The following PLPP1 variants were observed in gnomAD, a reference collection of about 807,000 sequenced individuals.
PLPP1 encodes phospholipid phosphatase 1.
PLPP1 carries 24 observed loss-of-function variants against 31.2 expected under a neutral mutation model. The ratio of observed to expected loss-of-function variants is 0.77; its 90% confidence interval spans 0.56 to 1.08. The LOEUF is 1.08. Ranked by LOEUF, PLPP1 falls within the 50% of genes least tolerant of loss-of-function variation. PLPP1 has a pLI of 0.00. For synonymous variants in PLPP1, 146 were observed against 126.3 expected, an observed-to-expected ratio of 1.16 and a Z score of -1.05; for missense variants, 319 against 342.7, an observed-to-expected ratio of 0.93 and a Z score of 0.55.
rs147976008 is a variant in PLPP1 at position 55,503,283 on chromosome 5, T to A, written c.59-27833A>T. ...ATATTTATGCTTATAACATATCATG[T>A]TCAGTAGTTTTAAGTTGCACTACAT... On this transcript the variant is annotated intron_variant, in intron 1 of 5. Coordinates refer to ENST00000307259, the MANE Select transcript of PLPP1 (RefSeq NM_003711.4). 1.3e-3 allele frequency among the ~76,000 whole-genome samples: 196 copies of A among 152,316 alleles called. 2 individuals are homozygous for A. The Middle Eastern group carries it at 0.024, about 19-fold the overall frequency.
chr5:55,513,660 C>T (rs1753491566), intron 1 of PLPP1, among the ~76,000 whole-genome samples: 1 of 152,136 alleles, frequency 6.6e-6, no homozygotes, highest in African/African-American at 2.4e-5. Flanking sequence ...CATACATAGG[C>T]TAGGAGTGGT....
In PLPP1 at chr5:55,534,787, G is replaced by T; in HGVS notation, c.-158C>A. On this transcript the variant is annotated 5_prime_UTR_variant, in exon 1 of 6. Coordinates refer to ENST00000307259, the MANE Select transcript of PLPP1 (RefSeq NM_003711.4). ...AGCAGCCGAGGGCGGGCTGAGACCG[G>T]GCGGCGCTCCCACCGCCAGCAATGG... 1.4e-6 allele frequency: 1 copy of T among 726,276 alleles called. No homozygotes were observed. 45.0% of individuals were successfully genotyped at this position (726,276 alleles called of 1,614,324 possible). A position where few individuals can be genotyped will look rare whatever the true frequency, so the allele number is the denominator to read the frequency against.
chr5:55,428,782 C>A (rs1174910806), intron 4 of PLPP1, among the ~76,000 whole-genome samples: 3 of 152,192 alleles, frequency 2.0e-5, no homozygotes, highest in African/African-American at 7.2e-5. Flanking sequence ...TCTCTCCTCC[C>A]CATACATGCC....
Position 55,501,308 on chromosome 5 carries a change from C to T in PLPP1, c.59-25858G>A, listed in dbSNP as rs28373774. 7.1e-3 allele frequency among the ~76,000 whole-genome samples: 1,071 copies of T among 151,560 alleles called. 15 individuals carry two copies. Among genetic ancestry groups the T allele is most frequent in the African/African-American group, 0.023 (952 of 41,346 alleles). On this transcript the variant is annotated intron_variant, in intron 1 of 5. Coordinates refer to ENST00000307259, the MANE Select transcript of PLPP1 (RefSeq NM_003711.4). The stretch of plus-strand genomic sequence containing the variant: ...AGCCTGGACAACAAAAGCAAGACTC[C>T]GTCTCAAAAAAAACAAACAAACAAA...
chr5:55,534,542 C>CG, intron 1 of PLPP1, 30 bp downstream of exon 1: 4 of 1,524,080 alleles, frequency 2.6e-6, no homozygotes, highest in Non-Finnish European at 3.5e-6. Context: ...CAGCCGCACA[C>CG]GCCCCTCGGA....
In PLPP1 at chr5:55,425,143, G is replaced by A; in HGVS notation, c.*63C>T. On this transcript the variant is annotated 3_prime_UTR_variant, in exon 6 of 6. Transcript: ENST00000307259. ...ACCAGGAAGAAAGATGCATCCTCTT[G>A]CCTTGTGGCAATCATTTTCCTTTAG... The A allele has an allele frequency of 6.4e-7, 1 of 1,558,510 alleles. No homozygotes were observed. The highest frequency in any genetic ancestry group is 8.7e-7 in the Non-Finnish European group (1 of 1,150,166).
intron 4 of PLPP1, among the ~76,000 whole-genome samples, chr5:55,441,335 G>C (rs1291477334): frequency 1.3e-5 from 2 of 152,376 alleles, no homozygotes; most frequent in South Asian, 2.1e-4. Context: ...ACAGGCTCCA[G>C]AAGTGGCAAC....
At chr5:55,530,698 T>C in intron 1 of PLPP1, 7 of 1,579,880 alleles carry the variant, frequency 4.4e-6, no homozygotes, top group Non-Finnish European at 6.1e-6. Flanking sequence ...GGGCATGCTC[T>C]CTCTTCTAGT....
intron 1 of PLPP1, among the ~76,000 whole-genome samples, chr5:55,527,615 T>G (rs1740508836): frequency 6.6e-6 from 1 of 152,082 alleles, no homozygotes; most frequent in African/African-American, 2.4e-5. Flanking sequence ...AGCAGCATAC[T>G]CAAATGAAGT....
chr5:55,453,274 T>A (rs1323358168), intron 3 of PLPP1, among the ~76,000 whole-genome samples: 1 of 152,202 alleles, frequency 6.6e-6, no homozygotes, highest in Middle Eastern at 3.2e-3. Flanking sequence ...TGTAATTAAA[T>A]GCTATATACT....
rs116089721 is a variant in PLPP1 at position 55,491,490 on chromosome 5, G to A, written c.59-16040C>T. On this transcript the variant is annotated intron_variant, in intron 1 of 5. Transcript: ENST00000307259. ...TAATTGAATTGCTTTACATTAAACT[G>A]TGTTTAAGAAAAAAGGCAAAATTCC... 2.8e-3 allele frequency among the ~76,000 whole-genome samples: 420 copies of A among 152,180 alleles called. 1 individual carries two copies. Among genetic ancestry groups the A allele is most frequent in the African/African-American group, 9.9e-3 (409 of 41,510 alleles).
chr5:55,428,179 TGAA>T (rs1405114279), intron 4 of PLPP1, among the ~76,000 whole-genome samples: 2 of 152,216 alleles, frequency 1.3e-5, no homozygotes, highest in African/African-American at 4.8e-5. Flanking sequence ...CCCCCATCAG[TGAA>T]ACTCTGACCA....
intron 1 of PLPP1, chr5:55,491,201 C>T (rs1308115613): frequency 1.7e-4 from 236 of 1,428,176 alleles, no homozygotes; most frequent in Non-Finnish European, 1.9e-6. Context: ...GATGCAAATC[C>T]TAGCCATATT....
At chr5:55,466,477 CG>C (rs1478245026) in intron 3 of PLPP1, among the ~76,000 whole-genome samples, 6 of 152,016 alleles carry the variant, frequency 3.9e-5, no homozygotes, top group Non-Finnish European at 8.8e-5. Flanking sequence ...CTGAGGCAGG[CG>C]GATCACCTGA....
chr5:55,435,661 G>A (rs1198245535), intron 4 of PLPP1, among the ~76,000 whole-genome samples: 2 of 152,030 alleles, frequency 1.3e-5, no homozygotes, highest in South Asian at 2.1e-4. Flanking sequence ...AAGAGACATG[G>A]GTTTCCAGGA....
Position 55,534,554 on chromosome 5 carries a change from C to T in PLPP1, c.58+18G>A, listed in dbSNP as rs113668492. 6 of 1,529,390 alleles carry T rather than the reference C, an allele frequency of 3.9e-6. No individual in the cohort carries two copies. The highest frequency in any genetic ancestry group is 5.3e-6 in the Non-Finnish European group (6 of 1,140,020). 94.7% of individuals were successfully genotyped at this position (1,529,390 alleles called of 1,614,324 possible). A position where few individuals can be genotyped will look rare whatever the true frequency, so the allele number is the denominator to read the frequency against. On this transcript the variant is annotated intron_variant, in intron 1 of 5. Transcript: ENST00000307259. ...GGACAGCCGCACACGCCCCTCGGAC[C>T]CGGCGGCGCGTACGTACCCAGCAAC... is the stretch of plus-strand genomic sequence containing the variant.
intron 1 of PLPP1, among the ~76,000 whole-genome samples, chr5:55,522,751 C>T (rs10755233): frequency 0.86 from 130,296 of 152,062 alleles, 56,049 homozygotes; most frequent in South Asian, 0.91. Flanking sequence ...TGAGACGGAG[C>T]CTCACTCTGT....
Position 55,465,428 on chromosome 5 carries a change from G to A in PLPP1, c.491+2441C>T, listed in dbSNP as rs1168888970. Among the ~76,000 whole-genome samples, 3 of 152,164 alleles carry A rather than the reference G, an allele frequency of 2.0e-5. No homozygotes were observed. The East Asian group carries it at 5.8e-4, about 29-fold the overall frequency. On this transcript the variant is annotated intron_variant, in intron 3 of 5. Transcript: ENST00000307259. The stretch of plus-strand genomic sequence containing the variant: ...TTATATGGTTAAGTTATAGATGGAA[G>A]AAGAAATCATGATAATTTTATTCTA...
At chr5:55,532,570 A>G (rs2111966953) in intron 1 of PLPP1, among the ~76,000 whole-genome samples, 1 of 152,350 alleles carries the variant, frequency 6.6e-6, no homozygotes, top group African/African-American at 2.4e-5. Context: ...TTTTTAATGT[A>G]ACATTTCTAT....
Sources: allele counts gnomAD v4.1 joint callset (sites outside exome capture counted in the v4.1 genomes callset), GRCh38; gene constraint gnomAD v4.1.1; transcripts MANE v1.5; gene names NCBI Gene and HGNC (gene_info 2026-07-23, HGNC 2026-07-21).